The following RNF6 variants were observed in gnomAD, a reference collection of about 807,000 sequenced individuals.
RNF6 encodes ring finger protein 6.
Under a neutral mutation model 50.1 loss-of-function variants are expected in RNF6, and 21 were observed. That is an observed-to-expected ratio of 0.42 (90% CI 0.30 to 0.60). The LOEUF is 0.60. Among genes scored for constraint, RNF6 ranks in the 20% least tolerant of loss-of-function variants. The pLI, the probability that RNF6 is intolerant of heterozygous loss-of-function variation, is 0.20. For missense variants in RNF6, 698 were observed against 838.2 expected (o/e 0.83, Z 2.07); for synonymous variants, 255 against 291.8 (o/e 0.87, Z 1.29).
chr13:26,209,045 T>C (rs1869215887), downstream of RNF6, among the ~76,000 whole-genome samples: 1 of 152,228 alleles, frequency 6.6e-6, no homozygotes, highest in Admixed American at 6.5e-5. Context: ...ATTTCTGGCA[T>C]TGGATACAAG....
chr13:26,169,949 A>G (rs1436061084), intron 5 of RNF6, among the ~76,000 whole-genome samples: 1 of 152,190 alleles, frequency 6.6e-6, no homozygotes, highest in Non-Finnish European at 1.5e-5. Flanking sequence ...TTGCCTGTTT[A>G]ATTCTGTCCA....
chr13:26,185,078 C>T (rs1398431997), intron 5 of RNF6, among the ~76,000 whole-genome samples: 15 of 152,126 alleles, frequency 9.9e-5, no homozygotes, highest in Non-Finnish European at 1.6e-4. Context: ...TTCATTGCAG[C>T]CTCAACTTCC....
chr13:26,149,969 G>T lies in RNF6; in HGVS notation n.769-17518C>A, dbSNP rs569168947. 5.3e-3 allele frequency among the ~76,000 whole-genome samples: 671 copies of T among 125,900 alleles called. 20 individuals are homozygous for T. The highest frequency in any genetic ancestry group is 0.013 in the South Asian group (51 of 3,940). The allele number at this position is 125,900 out of a possible 152,430, so 82.6% of individuals were successfully genotyped here. ...TATAATGTGTATATATATATACACA[G>T]TGTATATATAATGTGTATATATATA... On this transcript the variant is annotated intron_variant and non_coding_transcript_variant, in intron 5 of 5. Coordinates refer to the RNF6 transcript ENST00000468480.
chr13:26,164,208 T>C (rs1312946777), intron 5 of RNF6, among the ~76,000 whole-genome samples: 3 of 152,180 alleles, frequency 2.0e-5, no homozygotes, highest in African/African-American at 7.2e-5. Context: ...ATTTTAAGAG[T>C]CACATTTTCC....
At chr13:26,168,498 C>T (rs1220534321) in intron 5 of RNF6, among the ~76,000 whole-genome samples, 1 of 152,210 alleles carries the variant, frequency 6.6e-6, no homozygotes, top group Admixed American at 6.5e-5. Context: ...CTTCTTCCTC[C>T]TTTTCTCCTC....
intron 5 of RNF6, among the ~76,000 whole-genome samples, chr13:26,180,247 A>G (rs1262124735): frequency 2.0e-5 from 3 of 152,162 alleles, no homozygotes; most frequent in African/African-American, 7.2e-5. Context: ...CAGAGCATGT[A>G]CACCTATGCT....
rs1222131288 is a variant in RNF6, at chr13:26,222,002, C to G, written c.-102+1G>C. ...GACCCAGATCTTTCCCTCGAGCCCACCTCTCCAGGTCTTGGGCCTTCGCCC... is the reference window on the plus strand; with the variant it reads ...GACCCAGATCTTTCCCTCGAGCCCAGCTCTCCAGGTCTTGGGCCTTCGCCC... On this transcript the variant is annotated splice_donor_variant, in intron 1 of 4. Coordinates refer to ENST00000381588, the MANE Select transcript of RNF6 (RefSeq NM_005977.4). LOFTEE classifies it low-confidence loss of function (5UTR_SPLICE). 1 of 152,312 alleles carries G rather than the reference C, an allele frequency of 6.6e-6. No individual in the cohort carries two copies. Among genetic ancestry groups the G allele is most frequent in the Non-Finnish European group, 1.5e-5 (1 of 68,102 alleles). 9.4% of individuals were successfully genotyped at this position (152,312 alleles called of 1,614,324 possible).
chr13:26,135,115 C>A (rs1436731754), intron 5 of RNF6, among the ~76,000 whole-genome samples: 1 of 152,114 alleles, frequency 6.6e-6, no homozygotes, highest in Non-Finnish European at 1.5e-5. Flanking sequence ...CATCTCCTTG[C>A]ATTTGTGATC....
intron 5 of RNF6, among the ~76,000 whole-genome samples, chr13:26,162,155 C>G (rs1872243222): frequency 6.6e-6 from 1 of 152,088 alleles, no homozygotes; most frequent in Non-Finnish European, 1.5e-5. Context: ...GATATAAAAA[C>G]TAACCAACGC....
chr13:26,183,840 T>C (rs896107096), intron 5 of RNF6, among the ~76,000 whole-genome samples: 1 of 149,204 alleles, frequency 6.7e-6, no homozygotes, highest in East Asian at 1.9e-4. Flanking sequence ...ATCTACAATA[T>C]ATTCCTCGAA....
At chr13:26,163,765 C>A (rs1047887495) in intron 5 of RNF6, among the ~76,000 whole-genome samples, 74 of 152,142 alleles carry the variant, frequency 4.9e-4, no homozygotes, top group African/African-American at 1.7e-3. Context: ...CTACTAATAT[C>A]TGTAACTAGA....
At chr13:26,159,963 TG>T (rs1372059932) in intron 5 of RNF6, among the ~76,000 whole-genome samples, 11 of 152,328 alleles carry the variant, frequency 7.2e-5, no homozygotes, top group African/African-American at 2.6e-4. Context: ...TTTTTAGATT[TG>T]TAGAGGCTAA....
intron 5 of RNF6, among the ~76,000 whole-genome samples, chr13:26,148,632 T>TTA (rs57373126): frequency 0.046 from 2,163 of 46,926 alleles, 97 homozygotes; most frequent in African/African-American, 0.078. Flanking sequence ...ATAAATCTCT[T>TTA]TATATATATA....
chr13:26,191,283 G>A (rs1183423661), intron 5 of RNF6, among the ~76,000 whole-genome samples: 2 of 152,032 alleles, frequency 1.3e-5, no homozygotes, highest in Non-Finnish European at 2.9e-5. Context: ...ATATCTAAAT[G>A]CATTCATTCA....
At chr13:26,150,846 G>GA (rs1484668262) in intron 5 of RNF6, 1 of 152,078 alleles carries the variant, frequency 6.6e-6, no homozygotes, top group Non-Finnish European at 1.5e-5. Flanking sequence ...GAAATCGTAA[G>GA]AAAAATCATC....
At position 26,150,764 on chromosome 13, in the gene RNF6, G is replaced by A. The variant is rs995022771; in HGVS notation, n.769-18313C>T. 2.6e-5 allele frequency: 4 copies of A among 151,362 alleles called. No individual in the cohort carries two copies. In the East Asian group the frequency reaches 7.8e-4, roughly 30 times the overall value. The allele number at this position is 151,362 out of a possible 1,614,324, so 9.4% of individuals were successfully genotyped here. On this transcript the variant is annotated intron_variant and non_coding_transcript_variant, in intron 5 of 5. Transcript: ENST00000468480. ...TCAACAATAATACTTTTATGTACAAGGCTATACTTTTGAGAACATTTCATT... is the reference window on the plus strand; with the variant it reads ...TCAACAATAATACTTTTATGTACAAAGCTATACTTTTGAGAACATTTCATT...
At chr13:26,215,666 A>T in intron 4 of RNF6, 74 bp from the exon 5 acceptor site, 2 of 1,271,222 alleles carry the variant, frequency 1.6e-6, no homozygotes, top group Middle Eastern at 2.0e-4. Context: ...AACTTGTAAG[A>T]AAAACAAAGT....
intron 5 of RNF6, among the ~76,000 whole-genome samples, chr13:26,166,727 C>T (rs1374094232): frequency 6.6e-6 from 1 of 152,158 alleles, no homozygotes; most frequent in Non-Finnish European, 1.5e-5. Flanking sequence ...CAAGACCAAC[C>T]TGGGCAACAA....
At chr13:26,138,154 A>G (rs1367308290) in intron 5 of RNF6, among the ~76,000 whole-genome samples, 26 of 152,316 alleles carry the variant, frequency 1.7e-4, no homozygotes, top group Non-Finnish European at 7.4e-5. Flanking sequence ...ATTAACAGCT[A>G]ATTTCTCAGC....
Sources: allele counts gnomAD v4.1 joint callset (sites outside exome capture counted in the v4.1 genomes callset), GRCh38; gene constraint gnomAD v4.1.1; transcripts MANE v1.5; gene names NCBI Gene and HGNC (gene_info 2026-07-23, HGNC 2026-07-21).